SLC44A5: variants seen among roughly 807,000 people sequenced by gnomAD.
SLC44A5 encodes choline transporter-like protein 5.
SLC44A5 carries 57 observed loss-of-function variants against 101.8 expected under a neutral mutation model. The observed-to-expected ratio is 0.56, with a 90% CI of 0.45 to 0.70. The LOEUF (loss-of-function observed/expected upper bound fraction) is 0.70, where lower values mean the gene tolerates loss of function less well. Ranked by LOEUF, SLC44A5 falls within the 30% of genes least tolerant of loss-of-function variation. The probability of loss-of-function intolerance (pLI) is 0.00; values close to 1 mark genes in which losing one functional copy is unlikely to be tolerated. For synonymous variants in SLC44A5, 281 were observed against 290.9 expected, an observed-to-expected ratio of 0.97 and a Z score of 0.35; for missense variants, 737 against 853.1, an observed-to-expected ratio of 0.86 and a Z score of 1.70.
At chr1:75,583,820 T>A (rs567009911) in intron 1 of SLC44A5, among the ~76,000 whole-genome samples, 2 of 152,166 alleles carry the variant, frequency 1.3e-5, no homozygotes, top group Non-Finnish European at 2.9e-5. Context: ...CTTCCCAACA[T>A]GTGATTTGGT....
chr1:75,626,297 A>G, the SLC44A5 span, among the ~76,000 whole-genome samples: 2 of 152,178 alleles, frequency 1.3e-5, no homozygotes, highest in Admixed American at 6.5e-5. Flanking sequence ...TAAGAGATTC[A>G]TAAGAAACAA....
the SLC44A5 span, among the ~76,000 whole-genome samples, chr1:75,654,952 A>G: frequency 6.6e-6 from 1 of 152,016 alleles, no homozygotes; most frequent in Non-Finnish European, 1.5e-5. Context: ...AGCCCCTTTG[A>G]GCTCCTTAAT....
chr1:75,450,551 C>G (rs528034724), intron 2 of SLC44A5, among the ~76,000 whole-genome samples: 1 of 152,278 alleles, frequency 6.6e-6, no homozygotes, highest in African/African-American at 2.4e-5. Context: ...GAATTTTGCT[C>G]CCTACCCCCC....
chr1:75,495,049 A>G (rs188718934), intron 2 of SLC44A5, among the ~76,000 whole-genome samples: 2 of 152,264 alleles, frequency 1.3e-5, no homozygotes, highest in East Asian at 1.9e-4. Context: ...TGTCTTACCT[A>G]ATGCACAGAA....
At chr1:75,511,500 GAAT>G (rs1369040765) in intron 2 of SLC44A5, among the ~76,000 whole-genome samples, 3 of 151,966 alleles carry the variant, frequency 2.0e-5, no homozygotes, top group Non-Finnish European at 2.9e-5. Flanking sequence ...TACAAATGCA[GAAT>G]AATATAAAAT....
intron 2 of SLC44A5, among the ~76,000 whole-genome samples, chr1:75,445,324 C>T (rs1451766366): frequency 2.6e-5 from 4 of 151,986 alleles, no homozygotes; most frequent in Non-Finnish European, 5.9e-5. Flanking sequence ...TGAGTAAAGG[C>T]ATCCTTAGGC....
At chr1:75,635,676 A>C in the SLC44A5 span, among the ~76,000 whole-genome samples, 1 of 113,556 alleles carries the variant, frequency 8.8e-6, no homozygotes, top group Non-Finnish European at 1.7e-5. Flanking sequence ...GGAGGGGGGG[A>C]GGAATAGCAT....
the SLC44A5 span, among the ~76,000 whole-genome samples, chr1:75,697,252 G>C: frequency 1.3e-5 from 2 of 152,066 alleles, no homozygotes; most frequent in Non-Finnish European, 2.9e-5. Context: ...CACAAAAATT[G>C]TTTTTTAAAG....
intron 23 of SLC44A5, among the ~76,000 whole-genome samples, chr1:75,208,192 T>C (rs1646785195): frequency 6.6e-6 from 1 of 152,208 alleles, no homozygotes; most frequent in Non-Finnish European, 1.5e-5. Flanking sequence ...AAAGTCTCAC[T>C]CTGTCACCTA....
chr1:75,240,516 T>C (rs61796539), intron 9 of SLC44A5, among the ~76,000 whole-genome samples: 153 of 152,252 alleles, frequency 1.0e-3, no homozygotes, highest in Non-Finnish European at 2.0e-3. Context: ...TTTATACCTA[T>C]TATATCTTTT....
chr1:75,221,717 C>T (rs565705822), intron 14 of SLC44A5, among the ~76,000 whole-genome samples: 2 of 152,214 alleles, frequency 1.3e-5, no homozygotes, highest in African/African-American at 4.8e-5. Flanking sequence ...TGTAATCTAG[C>T]TAACTTTTAT....
chr1:75,318,330 T>C (rs1367338272), intron 4 of SLC44A5, among the ~76,000 whole-genome samples: 3 of 149,934 alleles, frequency 2.0e-5, no homozygotes, highest in Non-Finnish European at 1.5e-5. Context: ...TGAGTGATGA[T>C]TGTGCCATTG....
At chr1:75,564,192 C>G (rs1470758293) in intron 1 of SLC44A5, among the ~76,000 whole-genome samples, 1 of 152,164 alleles carries the variant, frequency 6.6e-6, no homozygotes, top group East Asian at 1.9e-4. Flanking sequence ...AAAACAAAAA[C>G]TACTGTAATC....
intron 4 of SLC44A5, among the ~76,000 whole-genome samples, chr1:75,319,678 CAA>C (rs975398563): frequency 1.3e-5 from 2 of 152,022 alleles, no homozygotes; most frequent in African/African-American, 2.4e-5. Flanking sequence ...GGAGAACAGA[CAA>C]AAATATGTGT....
At chr1:75,558,562 T>C (rs189673014) in intron 1 of SLC44A5, among the ~76,000 whole-genome samples, 78 of 152,166 alleles carry the variant, frequency 5.1e-4, no homozygotes, top group African/African-American at 1.8e-3. Flanking sequence ...TGGCTGTAGG[T>C]TGGTTAGCTG....
chr1:75,203,677 G>A lies in SLC44A5; in HGVS notation c.*50C>T. On this transcript the variant is annotated 3_prime_UTR_variant, in exon 24 of 24. Transcript: ENST00000370859. ...ATGAAACAAATGTTGCACAGACACA[G>A]CAGATGGAGAAAAGGTAACACACAG... The A allele has an allele frequency of 1.3e-6, 2 of 1,517,702 alleles. No individual in the cohort carries two copies. The highest frequency in any genetic ancestry group is 1.8e-6 in the Non-Finnish European group (2 of 1,131,416). 94.0% of individuals were successfully genotyped at this position (1,517,702 alleles called of 1,614,324 possible). A position where few individuals can be genotyped will look rare whatever the true frequency, so the allele number is the denominator to read the frequency against.
the SLC44A5 span, among the ~76,000 whole-genome samples, chr1:75,709,533 C>T: frequency 1.3e-5 from 2 of 152,118 alleles, no homozygotes; most frequent in Admixed American, 1.3e-4. Flanking sequence ...ATGGCTTATT[C>T]AGGTTTTTTC....
intron 1 of SLC44A5, among the ~76,000 whole-genome samples, chr1:75,555,447 G>A (rs533370114): frequency 7.6e-6 from 1 of 132,212 alleles, no homozygotes; most frequent in East Asian, 1.9e-4. Flanking sequence ...AAACAAAATT[G>A]ACTAAAAAAA....
chr1:75,543,697 A>C (rs1671489204), intron 1 of SLC44A5, among the ~76,000 whole-genome samples: 1 of 21,740 alleles, frequency 4.6e-5, no homozygotes, highest in African/African-American at 2.1e-4. Context: ...ACATATATAT[A>C]CATATATATA....
Sources: allele counts gnomAD v4.1 joint callset (sites outside exome capture counted in the v4.1 genomes callset), GRCh38; gene constraint gnomAD v4.1.1; transcripts MANE v1.5; gene names NCBI Gene and HGNC (gene_info 2026-07-23, HGNC 2026-07-21).